CMAS: variants seen among roughly 807,000 people sequenced by gnomAD.
CMAS encodes cytidine monophosphate N-acetylneuraminic acid synthetase, also known as N-acylneuraminate cytidylyltransferase.
A neutral mutation model predicts 53.4 loss-of-function variants in CMAS; 21 were observed. The observed-to-expected ratio is 0.39, with a 90% CI of 0.28 to 0.57. CMAS has a LOEUF of 0.57. Ranked by LOEUF, CMAS falls within the 20% of genes least tolerant of loss-of-function variation. The pLI is 0.56. For missense variants in CMAS, 384 were observed against 534.9 expected (o/e 0.72, Z 2.78); for synonymous variants, 189 against 195.2 (o/e 0.97, Z 0.27).
chr12:22,050,594 T>G (rs1199932907), intron 1 of CMAS, among the ~76,000 whole-genome samples: 1 of 152,176 alleles, frequency 6.6e-6, no homozygotes, highest in Non-Finnish European at 1.5e-5. Flanking sequence ...TCTTTTTCAG[T>G]TTCAGTGGCC....
At chr12:22,062,185 A>ACTGT (rs1950312217) in intron 6 of CMAS, 96 bp from the exon 7 acceptor site, 4 of 1,080,264 alleles carry the variant, frequency 3.7e-6, no homozygotes, top group African/African-American at 1.6e-5. Context: ...TGTGATTTGG[A>ACTGT]CTGTCTACAA....
chr12:22,059,836 TGAC>T (rs1179019216), intron 4 of CMAS, among the ~76,000 whole-genome samples: 3 of 151,102 alleles, frequency 2.0e-5, no homozygotes, highest in Middle Eastern at 3.4e-3. Context: ...ATGAAGAGAC[TGAC>T]AATTCTGAAA....
chr12:22,062,728 A>G (rs373697831), intron 7 of CMAS, among the ~76,000 whole-genome samples: 1 of 152,176 alleles, frequency 6.6e-6, no homozygotes, highest in Non-Finnish European at 1.5e-5. Flanking sequence ...TAAACTGGAG[A>G]TATCGAGAGT....
At position 22,046,288 on chromosome 12, in the gene CMAS, A is replaced by G. The variant is rs1267798137; in HGVS notation, c.-16A>G. On this transcript the variant is annotated 5_prime_UTR_variant, in exon 1 of 8. Coordinates refer to ENST00000229329, the MANE Select transcript of CMAS (RefSeq NM_018686.6). ...TCCCGGATGTGGAGAAGCTGGGGAG[A>G]AGGCGTGGGAGGAAGATGGACTCGG... 1 of 1,434,238 alleles carries G rather than the reference A, an allele frequency of 7.0e-7. No homozygotes were observed. Among genetic ancestry groups the G allele is most frequent in the South Asian group, 1.5e-5 (1 of 67,980 alleles). 88.8% of individuals were successfully genotyped at this position (1,434,238 alleles called of 1,614,324 possible).
intron 2 of CMAS, 34 bp downstream of exon 2, chr12:22,055,325 T>C (rs1397245919): frequency 6.6e-7 from 1 of 1,524,894 alleles, no homozygotes; most frequent in Non-Finnish European, 8.9e-7. Flanking sequence ...TTCAAACCTT[T>C]ATGTACTTTT....
intron 1 of CMAS, among the ~76,000 whole-genome samples, chr12:22,048,341 A>G (rs970912191): frequency 3.3e-5 from 5 of 152,322 alleles, no homozygotes; most frequent in Admixed American, 2.6e-4. Context: ...TTAGCTCTGG[A>G]TAGACCCTTT....
chr12:22,056,999 A>T (rs1248804433), intron 3 of CMAS, among the ~76,000 whole-genome samples: 2 of 152,144 alleles, frequency 1.3e-5, no homozygotes. Flanking sequence ...GAGAATAGAG[A>T]GAGTTCTGGT....
Position 22,065,390 on chromosome 12 carries a change from ATGT to A in CMAS, c.*83_*85del. 3.7e-6 allele frequency: 4 copies of A among 1,075,630 alleles called. No homozygotes were observed. In the Admixed American group the frequency reaches 8.0e-5, roughly 21 times the overall value. The allele number at this position is 1,075,630 out of a possible 1,614,324, so 66.6% of individuals were successfully genotyped here. On this transcript the variant is annotated 3_prime_UTR_variant, in exon 8 of 8. Transcript: ENST00000229329. ...TTTTATTTTTGATTAAGTAAATTCC[ATGT>A]TGTAATGTTACAGAGAGTGTGATTT...
chr12:22,051,211 A>G (rs1950238128), intron 1 of CMAS, among the ~76,000 whole-genome samples: 1 of 152,206 alleles, frequency 6.6e-6, no homozygotes, highest in Non-Finnish European at 1.5e-5. Context: ...AAATGCTGAG[A>G]TAATTTTTTT....
chr12:22,059,602 A>G (rs1950294370), intron 4 of CMAS, among the ~76,000 whole-genome samples: 1 of 152,160 alleles, frequency 6.6e-6, no homozygotes. Flanking sequence ...TAAAAATTCT[A>G]ATGGGACTAT....
chr12:22,060,817 T>C lies in CMAS; in HGVS notation c.694-15T>C. 6.8e-7 allele frequency: 1 copy of C among 1,476,262 alleles called. No homozygotes were observed. The highest frequency in any genetic ancestry group is 2.3e-5 in the East Asian group (1 of 43,788). 91.4% of individuals were successfully genotyped at this position (1,476,262 alleles called of 1,614,324 possible). ...ATATTAAAAACAGTATTCATGACAT[T>C]TATACTACCTTTAGGGTGGAAAAAT... On this transcript the variant is annotated splice_polypyrimidine_tract_variant and intron_variant, in intron 4 of 7. Coordinates refer to ENST00000229329, the MANE Select transcript of CMAS (RefSeq NM_018686.6).
chr12:22,062,902 A>G (rs1157607810), intron 7 of CMAS, among the ~76,000 whole-genome samples: 1 of 152,210 alleles, frequency 6.6e-6, no homozygotes, highest in Non-Finnish European at 1.5e-5. Context: ...AATGAGACAA[A>G]TGGGCCAATA....
chr12:22,061,774 G>A (rs1370954773), intron 6 of CMAS, among the ~76,000 whole-genome samples: 1 of 152,078 alleles, frequency 6.6e-6, no homozygotes, highest in African/African-American at 2.4e-5. Context: ...AGAAAAGGAC[G>A]ATATCCTGTG....
At chr12:22,057,916 C>T (rs975547531) in intron 3 of CMAS, among the ~76,000 whole-genome samples, 8 of 151,426 alleles carry the variant, frequency 5.3e-5, no homozygotes, top group Non-Finnish European at 8.8e-5. Context: ...CAATCTCCCC[C>T]CCCCGGGTTC....
At chr12:22,046,683 C>G (rs1950208898) in intron 1 of CMAS, 120 bp downstream of exon 1, 1 of 1,193,632 alleles carries the variant, frequency 8.4e-7, no homozygotes, top group Non-Finnish European at 1.1e-6. Flanking sequence ...TCTCTCATGC[C>G]AGGGATGTGC....
At position 22,060,333 on chromosome 12, in the gene CMAS, T is replaced by TAAAAAAAAAAAAAAAAAAAAAA. The variant is rs58755366; in HGVS notation, c.694-493_694-472dup. On this transcript the variant is annotated intron_variant, in intron 4 of 7. Coordinates refer to ENST00000229329, the MANE Select transcript of CMAS (RefSeq NM_018686.6). ...ATTTCTTTTGTGTGAGCTTTCTCCTTAAAAAAAAAAAAAAAAAAAAAAAAA... is the reference window on the plus strand; with the variant it reads ...ATTTCTTTTGTGTGAGCTTTCTCCTTAAAAAAAAAAAAAAAAAAAAAAAAAAAAAAAAAAAAAAAAAAAAAAA... Among the ~76,000 whole-genome samples the TAAAAAAAAAAAAAAAAAAAAAA allele has an allele frequency of 7.4e-5, 4 of 54,138 alleles. 1 individual carries two copies. The highest frequency in any genetic ancestry group is 1.4e-4 in the Non-Finnish European group (4 of 28,760). 35.5% of individuals were successfully genotyped at this position (54,138 alleles called of 152,430 possible).
chr12:22,060,700 A>T, intron 4 of CMAS, 132 bp from the exon 5 acceptor site: 1 of 569,738 alleles, frequency 1.8e-6, no homozygotes, highest in Non-Finnish European at 3.1e-6. Context: ...TTTTTATGTG[A>T]CTGATTTTTA....
intron 1 of CMAS, among the ~76,000 whole-genome samples, chr12:22,054,737 G>A (rs1177266266): frequency 2.0e-5 from 3 of 151,684 alleles, no homozygotes; most frequent in Non-Finnish European, 4.4e-5. Flanking sequence ...TTTTAAAAAC[G>A]TTTATTTTAG....
chr12:22,062,319 G>A lies in CMAS; in HGVS notation c.999G>A (p.Thr333=), dbSNP rs553811352. ...LISERACSKQ[T]LSSLKLDCKM... The stretch of plus-strand genomic sequence containing the variant: ...CAGAAAGGGCCTGTTCAAAGCAGAC[G>A]CTGTCTTCTTTAAAACTGGATTGCA... The change falls in exon 7 of 8, where the codon ACG becomes ACA. Residue 333 remains threonine, a synonymous_variant. Transcript: ENST00000229329. The A allele has an allele frequency of 1.9e-5, 31 of 1,608,180 alleles. No homozygotes were observed. The highest frequency in any genetic ancestry group is 6.8e-5 in the African/African-American group (5 of 73,518).
Sources: allele counts gnomAD v4.1 joint callset (sites outside exome capture counted in the v4.1 genomes callset), GRCh38; gene constraint gnomAD v4.1.1; transcripts MANE v1.5; gene names NCBI Gene and HGNC (gene_info 2026-07-23, HGNC 2026-07-21).